The following NCOA1 variants were observed in gnomAD, a reference collection of about 807,000 sequenced individuals.
The protein encoded by NCOA1 is Hin-2 protein.
Under a neutral mutation model 150.9 loss-of-function variants are expected in NCOA1, and 35 were observed. The observed-to-expected ratio is 0.23, with a 90% CI of 0.18 to 0.31. The LOEUF (loss-of-function observed/expected upper bound fraction) is 0.31. Among genes scored for constraint, NCOA1 ranks in the 10% least tolerant of loss-of-function variants. The pLI is 1.00. For missense variants in NCOA1, 1,491 were observed against 1,749.3 expected, an observed-to-expected ratio of 0.85 and a Z score of 2.63; for synonymous variants, 590 against 630.0, an observed-to-expected ratio of 0.94 and a Z score of 0.95.
chr2:24,697,547 G>A (rs1672958962), intron 10 of NCOA1, 111 bp from the exon 11 acceptor site: 1 of 952,786 alleles, frequency 1.0e-6, no homozygotes, highest in Non-Finnish European at 1.5e-6. Flanking sequence ...TGATGCTTTT[G>A]TTTATTGAGT....
intron 3 of NCOA1, among the ~76,000 whole-genome samples, chr2:24,598,679 TAAAA>T (rs1236732468): frequency 6.6e-6 from 1 of 151,916 alleles, no homozygotes; most frequent in Non-Finnish European, 1.5e-5. Context: ...GCTGGAGAAT[TAAAA>T]AAACAAAAAC....
At chr2:24,604,242 T>C (rs553950789) in intron 3 of NCOA1, among the ~76,000 whole-genome samples, 1 of 152,232 alleles carries the variant, frequency 6.6e-6, no homozygotes, top group Non-Finnish European at 1.5e-5. Context: ...AACGTAATTC[T>C]TATTGGCCAT....
At chr2:24,675,696 C>T (rs1572576246) in intron 7 of NCOA1, among the ~76,000 whole-genome samples, 1 of 152,252 alleles carries the variant, frequency 6.6e-6, no homozygotes, top group East Asian at 1.9e-4. Context: ...AGCAGCCTGG[C>T]CAAGATGGCA....
At chr2:24,590,400 T>G (rs1487846981) in intron 3 of NCOA1, among the ~76,000 whole-genome samples, 1 of 152,192 alleles carries the variant, frequency 6.6e-6, no homozygotes, top group Non-Finnish European at 1.5e-5. Flanking sequence ...CTAAAACATA[T>G]TATAGTTATT....
chr2:24,763,468 G>A (rs1455621320), intron 22 of NCOA1, among the ~76,000 whole-genome samples: 1 of 150,032 alleles, frequency 6.7e-6, no homozygotes, highest in Admixed American at 6.6e-5. Context: ...GAACCCCGGG[G>A]GGCGGAGCCT....
At chr2:24,693,593 A>T (rs1672768599) in intron 10 of NCOA1, among the ~76,000 whole-genome samples, 1 of 152,196 alleles carries the variant, frequency 6.6e-6, no homozygotes, top group African/African-American at 2.4e-5. Context: ...TTGATTACAA[A>T]TTATTTTTCA....
intron 3 of NCOA1, among the ~76,000 whole-genome samples, chr2:24,621,868 A>G (rs369349898): frequency 6.6e-6 from 1 of 152,176 alleles, no homozygotes; most frequent in Non-Finnish European, 1.5e-5. Context: ...TATCCTAGGA[A>G]GCTTTGTTAG....
At chr2:24,674,386 T>G (rs1487518910) in intron 7 of NCOA1, among the ~76,000 whole-genome samples, 1 of 152,116 alleles carries the variant, frequency 6.6e-6, no homozygotes, top group Non-Finnish European at 1.5e-5. Flanking sequence ...TTTTGTATTT[T>G]TAGTAGAGAC....
At chr2:24,545,609 A>T (rs905948893) in intron 1 of NCOA1, among the ~76,000 whole-genome samples, 1 of 152,124 alleles carries the variant, frequency 6.6e-6, no homozygotes, top group South Asian at 2.1e-4. Context: ...GGTTATTTGT[A>T]TAGATTCTGT....
Position 24,726,563 on chromosome 2 carries a change from C to A in NCOA1, c.2600-26C>A, listed in dbSNP as rs777750316. 2.7e-6 allele frequency: 4 copies of A among 1,465,596 alleles called. No individual in the cohort carries two copies. In the South Asian group the frequency reaches 4.7e-5, roughly 17 times the overall value. 90.8% of individuals were successfully genotyped at this position (1,465,596 alleles called of 1,614,324 possible). A position where few individuals can be genotyped will look rare whatever the true frequency, so the allele number is the denominator to read the frequency against. ...ATTTTATCCTCCACTGAGATAATGACTTCTTACCTTTTCTTCTTAAATCAG... is the reference window on the plus strand; with the variant it reads ...ATTTTATCCTCCACTGAGATAATGAATTCTTACCTTTTCTTCTTAAATCAG... On this transcript the variant is annotated intron_variant, in intron 14 of 22. Coordinates refer to ENST00000348332, the MANE Select transcript of NCOA1 (RefSeq NM_003743.5).
chr2:24,583,533 C>T (rs560463543), intron 2 of NCOA1, among the ~76,000 whole-genome samples: 2 of 152,184 alleles, frequency 1.3e-5, no homozygotes, highest in East Asian at 3.9e-4. Flanking sequence ...TTCAGCAATC[C>T]CACTACTAGG....
intron 19 of NCOA1, among the ~76,000 whole-genome samples, chr2:24,751,509 G>A (rs965478845): frequency 1.3e-5 from 2 of 151,316 alleles, no homozygotes; most frequent in Non-Finnish European, 2.9e-5. Flanking sequence ...CTTGAACCCA[G>A]AAGGTGGAGG....
intron 10 of NCOA1, 27 bp from the exon 11 acceptor site, chr2:24,697,631 A>G: frequency 1.3e-6 from 2 of 1,573,438 alleles, no homozygotes; most frequent in Middle Eastern, 3.4e-4. Flanking sequence ...AGGCTGTTAT[A>G]AATATAAACT....
intron 2 of NCOA1, among the ~76,000 whole-genome samples, chr2:24,577,038 TC>T (rs1667018940): frequency 6.6e-6 from 1 of 152,226 alleles, no homozygotes. Context: ...ATGAGTTTTT[TC>T]TTTGTTTCTG....
At chr2:24,690,377 A>G (rs928100876) in intron 8 of NCOA1, among the ~76,000 whole-genome samples, 3 of 152,068 alleles carry the variant, frequency 2.0e-5, no homozygotes, top group African/African-American at 7.2e-5. Flanking sequence ...AGCCTTGGCC[A>G]GGCGTGGTGG....
At chr2:24,620,486 C>A (rs1002674509) in intron 3 of NCOA1, among the ~76,000 whole-genome samples, 12 of 152,080 alleles carry the variant, frequency 7.9e-5, no homozygotes, top group African/African-American at 2.7e-4. Context: ...TGCCTGTAAT[C>A]CCAGCTACTT....
intron 3 of NCOA1, among the ~76,000 whole-genome samples, chr2:24,607,605 G>A (rs1488521169): frequency 1.3e-5 from 2 of 152,028 alleles, no homozygotes; most frequent in Non-Finnish European, 2.9e-5. Flanking sequence ...CAGGAGAATG[G>A]CGTGAACCCA....
intron 2 of NCOA1, among the ~76,000 whole-genome samples, chr2:24,576,056 A>G (rs187456389): frequency 1.6e-3 from 236 of 150,154 alleles, no homozygotes; most frequent in Middle Eastern, 7.2e-3. Flanking sequence ...TTTACATGAT[A>G]CTTCATGGAT....
chr2:24,557,996 CCCAAAATGAACCCTTGGGTTCATTTTG>C (rs1666141644), intron 1 of NCOA1, among the ~76,000 whole-genome samples: 1 of 151,024 alleles, frequency 6.6e-6, no homozygotes, highest in African/African-American at 2.4e-5. Context: ...GGTTCATTTT[CCCAAAATGAACCCTTGGGTTCATTTTG>C]GGAAAATTCT....
Sources: gnomAD v4.1 joint callset for allele counts (sites outside exome capture counted in the v4.1 genomes callset) on GRCh38, gnomAD v4.1.1 for gene constraint, MANE v1.5 for transcripts, NCBI Gene and HGNC (gene_info 2026-07-23, HGNC 2026-07-21) for gene names.